Variants in SH3PXD2A observed in about 807,000 individuals in gnomAD.
SH3PXD2A encodes the protein SH3 and PX domain-containing protein 2A.
Under a neutral mutation model 115.2 loss-of-function variants are expected in SH3PXD2A, and 32 were observed. The observed-to-expected ratio is 0.28, with a 90% CI of 0.21 to 0.37. SH3PXD2A has a LOEUF of 0.37. Ranked by LOEUF, SH3PXD2A falls within the 10% of genes least tolerant of loss-of-function variation. The pLI is 1.00. For synonymous variants in SH3PXD2A, 610 were observed against 629.1 expected, an observed-to-expected ratio of 0.97 and a Z score of 0.45; for missense variants, 1,328 against 1,498.7, an observed-to-expected ratio of 0.89 and a Z score of 1.88.
intron 8 of SH3PXD2A, among the ~76,000 whole-genome samples, chr10:103,636,826 C>A (rs1413928600): frequency 7.2e-5 from 11 of 152,180 alleles, no homozygotes; most frequent in Non-Finnish European, 1.0e-4. Context: ...CCAAACCTCC[C>A]AGCCCTGTTC....
intron 2 of SH3PXD2A, 127 bp downstream of exon 2, chr10:103,801,155 T>A: frequency 1.6e-6 from 1 of 637,740 alleles, no homozygotes; most frequent in South Asian, 1.9e-5. Flanking sequence ...CCCTCCTCTG[T>A]CCCTCTGCTC....
At chr10:103,660,930 G>A in intron 8 of SH3PXD2A, 53 bp downstream of exon 8, 2 of 1,601,362 alleles carry the variant, frequency 1.2e-6, no homozygotes, top group Non-Finnish European at 1.7e-6. Flanking sequence ...AACCAGCTCG[G>A]CCCGGGGGCC....
intron 3 of SH3PXD2A, among the ~76,000 whole-genome samples, chr10:103,739,898 G>A (rs1363724032): frequency 3.3e-5 from 5 of 152,288 alleles, no homozygotes; most frequent in African/African-American, 1.2e-4. Flanking sequence ...GGGGGCCTCC[G>A]GTGGGAGTCT....
chr10:103,776,593 T>G (rs1479559702), intron 2 of SH3PXD2A, among the ~76,000 whole-genome samples: 1 of 152,038 alleles, frequency 6.6e-6, no homozygotes, highest in Non-Finnish European at 1.5e-5. Flanking sequence ...TATGGGCAGG[T>G]TGGTTCCCTC....
chr10:103,643,111 C>T (rs1294481371), intron 8 of SH3PXD2A, among the ~76,000 whole-genome samples: 1 of 152,186 alleles, frequency 6.6e-6, no homozygotes, highest in Non-Finnish European at 1.5e-5. Flanking sequence ...AAATCCAGTA[C>T]CGCCTGACGT....
At chr10:103,622,923 T>C (rs1398073397) in intron 9 of SH3PXD2A, among the ~76,000 whole-genome samples, 1 of 152,178 alleles carries the variant, frequency 6.6e-6, no homozygotes, top group African/African-American at 2.4e-5. Flanking sequence ...CCCTCACTGC[T>C]GGGCGGTGCT....
chr10:103,776,044 A>G (rs2134235516), intron 2 of SH3PXD2A, among the ~76,000 whole-genome samples: 1 of 152,264 alleles, frequency 6.6e-6, no homozygotes, highest in Middle Eastern at 3.4e-3. Flanking sequence ...TTTAGCTTCA[A>G]GAGGCCACCT....
At chr10:103,836,883 G>C (rs4918058) in intron 1 of SH3PXD2A, among the ~76,000 whole-genome samples, 46,101 of 152,116 alleles carry the variant, frequency 0.3, 8,197 homozygotes, top group East Asian at 0.65. Flanking sequence ...AGAGCGTCTT[G>C]CTCATATATG....
intron 2 of SH3PXD2A, among the ~76,000 whole-genome samples, chr10:103,795,908 A>AAGGAAGGAAGGAAGGAAGGAAGGC (rs1301051502): frequency 1.0e-5 from 1 of 98,628 alleles, no homozygotes; most frequent in African/African-American, 3.5e-5. Flanking sequence ...GAGGAAAAGG[A>AAGGAAGGAAGGAAGGAAGGAAGGC]AGGAAGGAAG....
chr10:103,718,172 A>G (rs555484344), intron 5 of SH3PXD2A, among the ~76,000 whole-genome samples: 30 of 150,896 alleles, frequency 2.0e-4, no homozygotes, highest in African/African-American at 6.1e-4. Flanking sequence ...TGCCTGGCTC[A>G]TTTTTTTTCT....
chr10:103,627,241 T>TGCAGGGTG lies in SH3PXD2A; in HGVS notation c.605-47_605-40dup. On this transcript the variant is annotated intron_variant, in intron 8 of 14. Coordinates refer to ENST00000369774, the MANE Select transcript of SH3PXD2A (RefSeq NM_001394015.1). The surrounding 1 kb of genome is among the most constrained non-coding windows in gnomAD (Gnocchi z 4.4). ...AAGAGAGAACAGGACTGTGAGATTCTGCAGGGTGGCAGGGGTGGCTCGGGG... is the reference window on the plus strand; with the variant it reads ...AAGAGAGAACAGGACTGTGAGATTCTGCAGGGTGGCAGGGTGGCAGGGGTGGCTCGGGG... The TGCAGGGTG allele has an allele frequency of 7.7e-7, 1 of 1,292,016 alleles. No homozygotes were observed. The highest frequency in any genetic ancestry group is 1.1e-6 in the Non-Finnish European group (1 of 889,820). 80.0% of individuals were successfully genotyped at this position (1,292,016 alleles called of 1,614,324 possible). A position where few individuals can be genotyped will look rare whatever the true frequency, so the allele number is the denominator to read the frequency against.
intron 1 of SH3PXD2A, among the ~76,000 whole-genome samples, chr10:103,806,797 T>C (rs2039207110): frequency 6.6e-6 from 1 of 152,210 alleles, no homozygotes. Flanking sequence ...CGCTAGAGGC[T>C]AGCAACTGCT....
At position 103,606,091 on chromosome 10, in the gene SH3PXD2A, G is replaced by A. The variant is rs565081940; in HGVS notation, c.1309-174C>T. ...GGAGTCTCAGGGTATATATCGCCAG[G>A]GGACTACTCTGATGAGGCTTTCTAA... On this transcript the variant is annotated intron_variant, in intron 13 of 14. Coordinates refer to ENST00000369774, the MANE Select transcript of SH3PXD2A (RefSeq NM_001394015.1). Among the ~76,000 whole-genome samples the A allele has an allele frequency of 1.1e-4, 16 of 152,126 alleles. No homozygotes were observed. In the South Asian group the frequency reaches 3.3e-3, roughly 32 times the overall value.
intron 9 of SH3PXD2A, among the ~76,000 whole-genome samples, chr10:103,625,981 C>G (rs879760006): frequency 6.6e-6 from 1 of 152,242 alleles, no homozygotes; most frequent in Non-Finnish European, 1.5e-5. Flanking sequence ...GGGGCCAAGA[C>G]TCTCCCCTGC....
chr10:103,633,784 C>T (rs11191752), intron 8 of SH3PXD2A, among the ~76,000 whole-genome samples: 13,773 of 143,416 alleles, frequency 0.096, 2,208 homozygotes, highest in African/African-American at 0.33. Flanking sequence ...GACGGCACAG[C>T]GGGAGAATAG....
intron 5 of SH3PXD2A, among the ~76,000 whole-genome samples, chr10:103,699,220 C>T (rs2037862418): frequency 6.6e-6 from 1 of 152,192 alleles, no homozygotes; most frequent in African/African-American, 2.4e-5. Context: ...GGACAAGCCA[C>T]TTCAAACTAG....
chr10:103,833,601 A>G (rs773482877), intron 1 of SH3PXD2A, among the ~76,000 whole-genome samples: 7 of 152,226 alleles, frequency 4.6e-5, no homozygotes, highest in Non-Finnish European at 1.0e-4. Flanking sequence ...ATAATTCCTT[A>G]TTATCTACCC....
intron 8 of SH3PXD2A, among the ~76,000 whole-genome samples, chr10:103,648,167 G>C (rs1197140673): frequency 1.3e-5 from 2 of 152,160 alleles, no homozygotes; most frequent in Non-Finnish European, 2.9e-5. Flanking sequence ...ACAAGAAAGA[G>C]TATGGAAAAA....
chr10:103,653,386 C>T (rs894515380), intron 8 of SH3PXD2A, among the ~76,000 whole-genome samples: 4 of 152,290 alleles, frequency 2.6e-5, no homozygotes, highest in South Asian at 4.1e-4. Context: ...GGAAGGCGGC[C>T]AGGTATTGCC....
Sources: allele counts gnomAD v4.1 joint callset (sites outside exome capture counted in the v4.1 genomes callset), GRCh38; gene constraint gnomAD v4.1.1; non-coding constraint Gnocchi (gnomAD v3.1); transcripts MANE v1.5; gene names NCBI Gene and HGNC (gene_info 2026-07-23, HGNC 2026-07-21).